NAALADL2: variants seen among roughly 807,000 people sequenced by gnomAD.
NAALADL2 encodes the protein inactive N-acetylated-alpha-linked acidic dipeptidase-like protein 2.
Under a neutral mutation model 87.2 loss-of-function variants are expected in NAALADL2, and 76 were observed. That is an observed-to-expected ratio of 0.87 (90% CI 0.72 to 1.05). The LOEUF is 1.05. Among genes scored for constraint, NAALADL2 ranks in the 50% least tolerant of loss-of-function variants. The probability of loss-of-function intolerance (pLI) is 0.00; values close to 1 mark genes in which losing one functional copy is unlikely to be tolerated. For missense variants in NAALADL2, 1,089 were observed against 945.8 expected (o/e 1.15, Z -1.99); for synonymous variants, 354 against 331.0 (o/e 1.07, Z -0.75).
intron 4 of NAALADL2, among the ~76,000 whole-genome samples, chr3:175,263,390 T>A: frequency 6.6e-6 from 1 of 151,928 alleles, no homozygotes; most frequent in East Asian, 1.9e-4. Context: ...GTTTTTAAAG[T>A]ATTTTCCATG....
chr3:175,320,726 G>GA (rs1302047192), intron 4 of NAALADL2, among the ~76,000 whole-genome samples: 1 of 152,094 alleles, frequency 6.6e-6, no homozygotes, highest in East Asian at 1.9e-4. Flanking sequence ...AAATAAACTA[G>GA]AAAATCTAGA....
intron 2 of NAALADL2, among the ~76,000 whole-genome samples, chr3:174,645,399 A>G (rs1030058829): frequency 6.6e-6 from 1 of 152,196 alleles, no homozygotes; most frequent in Non-Finnish European, 1.5e-5. Flanking sequence ...TCGGAGGAAT[A>G]GGCATTTTTT....
chr3:174,821,778 G>A (rs1721450184), intron 3 of NAALADL2, among the ~76,000 whole-genome samples: 1 of 152,184 alleles, frequency 6.6e-6, no homozygotes, highest in African/African-American at 2.4e-5. Context: ...ATCAGACATT[G>A]TTTAAACTAA....
intron 3 of NAALADL2, among the ~76,000 whole-genome samples, chr3:174,783,462 C>T (rs1716237983): frequency 6.6e-6 from 1 of 151,992 alleles, no homozygotes; most frequent in Non-Finnish European, 1.5e-5. Flanking sequence ...AAATTCTAGC[C>T]ACGTTTGACC....
intron 1 of NAALADL2, among the ~76,000 whole-genome samples, chr3:174,989,415 C>G (rs114179476): frequency 2.0e-5 from 3 of 151,990 alleles, no homozygotes; most frequent in Non-Finnish European, 2.9e-5. Flanking sequence ...TCGTAAAAGG[C>G]CATTGAATAT....
chr3:175,695,228 C>A (rs182263218), intron 11 of NAALADL2, among the ~76,000 whole-genome samples: 102 of 152,298 alleles, frequency 6.7e-4, no homozygotes, highest in African/African-American at 2.4e-3. Flanking sequence ...TTTTTCTACT[C>A]CTTCCATCAG....
chr3:175,712,716 C>T (rs1406977551), intron 11 of NAALADL2, among the ~76,000 whole-genome samples: 3 of 152,026 alleles, frequency 2.0e-5, no homozygotes, highest in African/African-American at 7.2e-5. Flanking sequence ...GACAATGAAT[C>T]CATCAAGACC....
intron 2 of NAALADL2, among the ~76,000 whole-genome samples, chr3:174,691,152 C>T (rs1728538182): frequency 6.6e-6 from 1 of 152,138 alleles, no homozygotes; most frequent in Non-Finnish European, 1.5e-5. Flanking sequence ...TGGCTTATGC[C>T]TGTAATCCCA....
At chr3:174,833,099 T>A (rs985941698) in intron 3 of NAALADL2, among the ~76,000 whole-genome samples, 1 of 152,316 alleles carries the variant, frequency 6.6e-6, no homozygotes, top group East Asian at 1.9e-4. Flanking sequence ...GTCTATTTAA[T>A]TTTAAAAGTT....
Position 175,320,407 on chromosome 3 carries a change from A to G in NAALADL2, c.940-3768A>G, listed in dbSNP as rs540120209. Among the ~76,000 whole-genome samples the G allele has an allele frequency of 9.8e-5, 15 of 152,294 alleles. No individual in the cohort carries two copies. The South Asian group carries it at 2.5e-3, about 25-fold the overall frequency. On this transcript the variant is annotated intron_variant, in intron 4 of 13. Transcript: ENST00000454872. ...CAAAACATTTAACGACGGGGGCAGA[A>G]CAAGGGTTGATCTTTCAGAAGGAGA...
chr3:175,655,753 G>A (rs1731378899), intron 11 of NAALADL2, among the ~76,000 whole-genome samples: 1 of 151,974 alleles, frequency 6.6e-6, no homozygotes, highest in South Asian at 2.1e-4. Context: ...GTAATTCAAA[G>A]TATCAGATCA....
At chr3:174,974,874 G>T (rs1744161017) in intron 1 of NAALADL2, among the ~76,000 whole-genome samples, 1 of 151,960 alleles carries the variant, frequency 6.6e-6, no homozygotes, top group South Asian at 2.1e-4. Flanking sequence ...TTATGATGTG[G>T]TTATATGTCT....
intron 2 of NAALADL2, among the ~76,000 whole-genome samples, chr3:175,223,291 C>A (rs1015205101): frequency 1.3e-5 from 2 of 151,038 alleles, no homozygotes; most frequent in African/African-American, 2.4e-5. Context: ...CCACCATATA[C>A]CCCTACCTCC....
intron 2 of NAALADL2, among the ~76,000 whole-genome samples, chr3:175,161,374 G>T (rs1350145961): frequency 6.6e-6 from 1 of 152,016 alleles, no homozygotes; most frequent in Non-Finnish European, 1.5e-5. Context: ...ACTAGGATAA[G>T]GGTTAAGAAA....
At chr3:175,778,435 G>T (rs1453826763) in intron 13 of NAALADL2, among the ~76,000 whole-genome samples, 1 of 152,140 alleles carries the variant, frequency 6.6e-6, no homozygotes. Context: ...TCTCTCCCTT[G>T]TTCCGGGAAA....
At chr3:175,010,886 CTTGT>C (rs768696125) in intron 1 of NAALADL2, among the ~76,000 whole-genome samples, 38 of 152,232 alleles carry the variant, frequency 2.5e-4, no homozygotes, top group Non-Finnish European at 4.4e-4. Flanking sequence ...GCATTTTTTA[CTTGT>C]TTCTCACATA....
intron 5 of NAALADL2, among the ~76,000 whole-genome samples, chr3:175,396,197 G>A (rs183290366): frequency 1.1e-4 from 17 of 152,146 alleles, no homozygotes; most frequent in East Asian, 3.9e-4. Flanking sequence ...ATGACCTTAT[G>A]CGTACAGGAC....
At chr3:174,858,849 AAGAAGTT>A (rs1726143023), upstream of NAALADL2, among the ~76,000 whole-genome samples, 1 of 151,826 alleles carries the variant, frequency 6.6e-6, no homozygotes, top group South Asian at 2.1e-4. Context: ...CTGAGTCTCA[AAGAAGTT>A]ATATTCTTTG....
In NAALADL2 at chr3:175,131,674, G is replaced by T. The variant is rs559033032; in HGVS notation, c.545+34383G>T. 3.5e-3 allele frequency among the ~76,000 whole-genome samples: 526 copies of T among 152,282 alleles called. 3 individuals are homozygous for T. Among genetic ancestry groups the T allele is most frequent in the African/African-American group, 0.012 (499 of 41,572 alleles). ...GCTGTTGGGTACACCTCCCAGATGG[G>T]GTGGTGGCCGGGCAGAGGGTCTCCT... On this transcript the variant is annotated intron_variant, in intron 2 of 13. Coordinates refer to ENST00000454872, the MANE Select transcript of NAALADL2 (RefSeq NM_207015.3).
Sources: allele counts gnomAD v4.1 joint callset (sites outside exome capture counted in the v4.1 genomes callset), GRCh38; gene constraint gnomAD v4.1.1; transcripts MANE v1.5; gene names NCBI Gene and HGNC (gene_info 2026-07-23, HGNC 2026-07-21).